LSM8: variants seen among roughly 807,000 people sequenced by gnomAD.
The protein encoded by LSM8 is LSM8 homolog, U6 small nuclear RNA associated, also known as LSM8 U6 small nuclear RNA associated.
In LSM8, 14 loss-of-function variants were observed where a neutral mutation model predicts 15.0. The ratio of observed to expected loss-of-function variants is 0.93; its 90% confidence interval spans 0.62 to 1.46. The LOEUF (loss-of-function observed/expected upper bound fraction) is 1.46, where lower values mean the gene tolerates loss of function less well. Among genes scored for constraint, LSM8 ranks in the 40% most tolerant of loss-of-function variants. The pLI is 0.00. For missense variants in LSM8, 90 were observed against 115.4 expected (o/e 0.78, Z 1.01); for synonymous variants, 50 against 42.1 (o/e 1.19, Z -0.73).
At chr7:118,184,500 T>C in intron 1 of LSM8, 2 of 410,366 alleles carry the variant, frequency 4.9e-6, no homozygotes, top group Admixed American at 4.4e-5. Context: ...TTCCGAACTT[T>C]TCTGTCTTAA....
rs1015782 is a variant in LSM8 at position 118,200,371 on chromosome 7, C to T, written c.*8369C>T. The stretch of plus-strand genomic sequence containing the variant: ...GCTCTCACTGGTACAAGTGAAAAAC[C>T]TCTCAGCCCTACACAGCATCTTTAA... On this transcript the variant is annotated 3_prime_UTR_variant, in exon 4 of 4. Transcript: ENST00000249299. 0.63 allele frequency among the ~76,000 whole-genome samples: 95,199 copies of T among 151,824 alleles called. 30,018 individuals are homozygous for T. The highest frequency in any genetic ancestry group is 0.77 in the South Asian group (3,701 of 4,818).
In LSM8 at chr7:118,201,588, ATTAAT is replaced by A. The variant is rs1809174599; in HGVS notation, c.*9589_*9593del. Among the ~76,000 whole-genome samples the A allele has an allele frequency of 6.6e-6, 1 of 152,126 alleles. No individual in the cohort carries two copies. The highest frequency in any genetic ancestry group is 6.6e-5 in the Admixed American group (1 of 15,242). On this transcript the variant is annotated 3_prime_UTR_variant, in exon 4 of 4. Coordinates refer to ENST00000249299, the MANE Select transcript of LSM8 (RefSeq NM_016200.5). ...TGATATAAAAAGCTCAGTAAAATTC[ATTAAT>A]TTGAGAATGTGTCTATATCATAGTA... is the stretch of plus-strand genomic sequence containing the variant.
intron 3 of LSM8, chr7:118,189,862 G>GA (rs563437967): frequency 3.8e-4 from 56 of 146,642 alleles, no homozygotes; most frequent in South Asian, 2.6e-3. Flanking sequence ...ACTCCATCTT[G>GA]AAAAAAAAAA....
intron 2 of LSM8, 104 bp from the exon 3 acceptor site, chr7:118,188,174 A>G: frequency 7.9e-7 from 1 of 1,271,276 alleles, no homozygotes; most frequent in Non-Finnish European, 1.1e-6. Flanking sequence ...TCGTATAGGT[A>G]CTTGTATTGG....
intron 3 of LSM8, 24 bp from the exon 4 acceptor site, chr7:118,191,887 AT>A (rs759586851): frequency 3.2e-6 from 5 of 1,540,704 alleles, no homozygotes; most frequent in East Asian, 4.5e-5. Flanking sequence ...CAGAAATGTG[AT>A]TGTTTTAACT....
At chr7:118,188,499 C>G (rs1297168937) in intron 3 of LSM8, 94 bp downstream of exon 3, 3 of 1,123,472 alleles carry the variant, frequency 2.7e-6, no homozygotes, top group Admixed American at 5.4e-5. Flanking sequence ...ATTGTCCATA[C>G]ATAGTTAATA....
chr7:118,185,427 T>C, intron 1 of LSM8: 1 of 490,376 alleles, frequency 2.0e-6, no homozygotes, highest in East Asian at 3.5e-5. Flanking sequence ...GCCAGGGTAA[T>C]AGAGATGGGG....
chr7:118,191,295 G>A (rs1808977110), intron 3 of LSM8: 1 of 152,248 alleles, frequency 6.6e-6, no homozygotes, highest in Non-Finnish European at 1.5e-5. Context: ...TACTATGTTA[G>A]TGTTGAACAA....
chr7:118,196,700 T>TTTTTTTTATTTA lies in LSM8; in HGVS notation c.*4701_*4702insTTTTATTTATTT, dbSNP rs1448668001. Among the ~76,000 whole-genome samples the TTTTTTTTATTTA allele has an allele frequency of 2.5e-4, 33 of 129,806 alleles. No homozygotes were observed. The East Asian group carries it at 4.7e-3, about 19-fold the overall frequency. 85.2% of individuals were successfully genotyped at this position (129,806 alleles called of 152,430 possible). On this transcript the variant is annotated 3_prime_UTR_variant, in exon 4 of 4. Transcript: ENST00000249299. ...TTTCTTTTTTTTTAAGTCCTTTAAT[T>TTTTTTTTATTTA]TTTATTTATTTATTTATTTATTTAT...
chr7:118,190,211 T>G (rs554758059), intron 3 of LSM8: 1 of 152,320 alleles, frequency 6.6e-6, no homozygotes, highest in East Asian at 1.9e-4. Context: ...ATCAAGAGTT[T>G]ATAAAATATT....
rs1009014651 is a variant in LSM8, at chr7:118,198,293, G to T, written c.*6291G>T. Among the ~76,000 whole-genome samples the T allele has an allele frequency of 2.0e-5, 3 of 152,130 alleles. No homozygotes were observed. The highest frequency in any genetic ancestry group is 7.2e-5 in the African/African-American group (3 of 41,444). On this transcript the variant is annotated 3_prime_UTR_variant, in exon 4 of 4. Coordinates refer to ENST00000249299, the MANE Select transcript of LSM8 (RefSeq NM_016200.5). Reference sequence around the variant, plus strand: ...AAATGAGAAATGAGAATATGCCAGAGATCTGAAATGAAGAATGGATAAGAG... The same window carrying T: ...AAATGAGAAATGAGAATATGCCAGATATCTGAAATGAAGAATGGATAAGAG...
rs1468458951 is a variant in LSM8, at chr7:118,200,713, T to C, written c.*8711T>C. Among the ~76,000 whole-genome samples, 1 of 152,126 alleles carries C rather than the reference T, an allele frequency of 6.6e-6. No individual in the cohort carries two copies. The highest frequency in any genetic ancestry group is 6.6e-5 in the Admixed American group (1 of 15,242). ...TTAATTGATAAATCACATTGTACTT[T>C]ATAAGAGTTTATTCCTTAAGTGTTT... On this transcript the variant is annotated 3_prime_UTR_variant, in exon 4 of 4. Transcript: ENST00000249299.
At chr7:118,188,156 A>T (rs2302454) in intron 2 of LSM8, 122 bp from the exon 3 acceptor site, 11 of 1,115,256 alleles carry the variant, frequency 9.9e-6, no homozygotes, top group Non-Finnish European at 1.3e-5. Flanking sequence ...AAGGCATTTT[A>T]TTTGCCGTCG....
At chr7:118,188,231 G>C in intron 2 of LSM8, 47 bp from the exon 3 acceptor site, 1 of 1,600,062 alleles carries the variant, frequency 6.2e-7, no homozygotes, top group Non-Finnish European at 8.6e-7. Flanking sequence ...TACACTTTCA[G>C]GTAAACCAGA....
intron 1 of LSM8, 182 bp downstream of exon 1, chr7:118,184,436 C>A: frequency 8.0e-6 from 5 of 625,218 alleles, no homozygotes; most frequent in Non-Finnish European, 1.2e-5. Context: ...GCTGCGGGCC[C>A]AGGGGTCCTT....
Position 118,184,171 on chromosome 7 carries a change from T to G in LSM8, c.-53T>G. 6.5e-7 allele frequency: 1 copy of G among 1,544,046 alleles called. No homozygotes were observed. Among genetic ancestry groups the G allele is most frequent in the Non-Finnish European group, 8.7e-7 (1 of 1,143,758 alleles). Reference sequence around the variant, plus strand: ...GCCGGGTTCTGGCGCGCCCTTTCAGTTCTGCTTGCTGTCGGCACCGCTGCG... The same window carrying G: ...GCCGGGTTCTGGCGCGCCCTTTCAGGTCTGCTTGCTGTCGGCACCGCTGCG... On this transcript the variant is annotated 5_prime_UTR_variant, in exon 1 of 4. Transcript: ENST00000249299.
At chr7:118,185,781 G>C in intron 2 of LSM8, 87 bp downstream of exon 2, 1 of 1,171,152 alleles carries the variant, frequency 8.5e-7, no homozygotes, top group Non-Finnish European at 1.3e-6. Flanking sequence ...CTAATGCCTA[G>C]ACAGCACATT....
chr7:118,190,606 C>T (rs1283535326), intron 3 of LSM8: 2 of 152,102 alleles, frequency 1.3e-5, no homozygotes, highest in African/African-American at 4.8e-5. Flanking sequence ...AATGTATCAG[C>T]ATTTCCCTGC....
rs56715957 is a variant in LSM8 at position 118,203,426 on chromosome 7, CTGTAGACTTAAATTTTTTA to C, written c.*11425_*11443del. 8.9e-3 allele frequency among the ~76,000 whole-genome samples: 1,347 copies of C among 151,850 alleles called. 17 individuals are homozygous for C. The highest frequency in any genetic ancestry group is 0.03 in the African/African-American group (1,250 of 41,456). ...ATTAATAGAGCTGTGATTATTCAAG[CTGTAGACTTAAATTTTTTA>C]AATAGAGTAATGGTTGTTTAGTAGA... On this transcript the variant is annotated 3_prime_UTR_variant, in exon 4 of 4. Coordinates refer to ENST00000249299, the MANE Select transcript of LSM8 (RefSeq NM_016200.5).
Sources: gnomAD v4.1 joint callset for allele counts (sites outside exome capture counted in the v4.1 genomes callset) on GRCh38, gnomAD v4.1.1 for gene constraint, MANE v1.5 for transcripts, NCBI Gene and HGNC (gene_info 2026-07-23, HGNC 2026-07-21) for gene names.